The following CHPT1 variants were observed in gnomAD, a reference collection of about 807,000 sequenced individuals.
The protein encoded by CHPT1 is cholinephosphotransferase 1.
CHPT1 carries 36 observed loss-of-function variants against 47.6 expected under a neutral mutation model. The ratio of observed to expected loss-of-function variants is 0.76; its 90% CI spans 0.58 to 1.00. The LOEUF (loss-of-function observed/expected upper bound fraction) is 1.00, where lower values mean the gene tolerates loss of function less well. CHPT1 is among the 50% of genes least tolerant of loss of function. The probability of loss-of-function intolerance (pLI) is 0.00; values close to 1 mark genes in which losing one functional copy is unlikely to be tolerated. For missense variants in CHPT1, 458 were observed against 498.1 expected, an observed-to-expected ratio of 0.92 and a Z score of 0.77; for synonymous variants, 194 against 186.3, an observed-to-expected ratio of 1.04 and a Z score of -0.33.
Position 101,728,902 on chromosome 12 carries a change from T to G in CHPT1, c.1178T>G (p.Val393Gly). 1 of 1,613,418 alleles carries G rather than the reference T, an allele frequency of 6.2e-7. No individual in the cohort carries two copies. The highest frequency in any genetic ancestry group is 8.5e-7 in the Non-Finnish European group (1 of 1,179,646). The change falls in exon 9 of 9, where the codon GTT (valine) becomes GGT (glycine). Residue 393 changes from valine to glycine, a missense_variant and splice_region_variant. Val to Gly is a moderately radical substitution (Grantham distance 109). Transcript: ENST00000229266. ...TTATAATTGTATCATATTACTTAGG[T>G]TCAAGTTCTTTCTTCAAAGAGTCAT... ...KTACHQAPEQVQVLSSKSHQN... is the reference protein window; with the variant it reads ...KTACHQAPEQGQVLSSKSHQN...
Position 101,701,025 on chromosome 12 carries a change from A to G in CHPT1, c.273+2891A>G, listed in dbSNP as rs545335416. Among the ~76,000 whole-genome samples, 15 of 152,350 alleles carry G rather than the reference A, an allele frequency of 9.8e-5. 1 individual carries two copies. In the Middle Eastern group the frequency reaches 0.01, roughly 104 times the overall value. Reference sequence around the variant, plus strand: ...TCATATAGGCTTTAATACTGAGTGCATGAATAATAACATTTGATACGTTTT... The same window carrying G: ...TCATATAGGCTTTAATACTGAGTGCGTGAATAATAACATTTGATACGTTTT... On this transcript the variant is annotated intron_variant, in intron 1 of 8. Coordinates refer to ENST00000229266, the MANE Select transcript of CHPT1 (RefSeq NM_020244.3).
intron 4 of CHPT1, chr12:101,719,563 T>A: frequency 8.0e-7 from 1 of 1,253,438 alleles, no homozygotes; most frequent in Non-Finnish European, 1.0e-6. Flanking sequence ...ACTACACAGA[T>A]GTTTTGCTTG....
chr12:101,699,645 C>T (rs1389020748), intron 1 of CHPT1, among the ~76,000 whole-genome samples: 1 of 152,172 alleles, frequency 6.6e-6, no homozygotes, highest in East Asian at 1.9e-4. Flanking sequence ...GCCTCGGCCT[C>T]CCAAAGTGCT....
Position 101,714,175 on chromosome 12 carries a change from G to A in CHPT1, c.359G>A (p.Arg120Lys), listed in dbSNP as rs762860722. Reference sequence around the variant, plus strand: ...GCTATTGATGGGAAACAAGCCAGAAGAACAAACTCTTGTTCCCCTTTAGGG... The same window carrying A: ...GCTATTGATGGGAAACAAGCCAGAAAAACAAACTCTTGTTCCCCTTTAGGG... ...LDAIDGKQAR[R>K]TNSCSPLGEL... Residue 120 changes from arginine (R) to lysine (K), a missense_variant, in exon 2 of 9, where the codon AGA becomes AAA. Transcript: ENST00000229266. 2 of 1,613,200 alleles carry A rather than the reference G, an allele frequency of 1.2e-6. No individual in the cohort carries two copies. Among genetic ancestry groups the A allele is most frequent in the East Asian group, 4.5e-5 (2 of 44,826 alleles).
At position 101,723,825 on chromosome 12, in the gene CHPT1, A is replaced by T. The variant is rs761717958; in HGVS notation, c.1043A>T (p.Tyr348Phe). ...TACTTTAATAACTTTATAGACGAAT[A>T]TGTTGTTCTATGGATGGCAATGGTA... ...DQYFNNFIDE[Y>F]VVLWMAMVIS... The change falls in exon 7 of 9, where the codon TAT becomes TTT. Residue 348 changes from tyrosine (Y) to phenylalanine (F), a missense_variant. Transcript: ENST00000229266. 6 of 1,517,702 alleles carry T rather than the reference A, an allele frequency of 4.0e-6. No homozygotes were observed. Among genetic ancestry groups the T allele is most frequent in the Non-Finnish European group, 5.4e-6 (6 of 1,102,592 alleles). The allele number at this position is 1,517,702 out of a possible 1,614,324, so 94.0% of individuals were successfully genotyped here.
chr12:101,707,255 C>T (rs1951646763), intron 1 of CHPT1, among the ~76,000 whole-genome samples: 1 of 152,066 alleles, frequency 6.6e-6, no homozygotes, highest in African/African-American at 2.4e-5. Context: ...AGCCATGAGA[C>T]AGTATTAAGT....
In CHPT1 at chr12:101,714,062, A is replaced by G. The variant is rs375376525; in HGVS notation, c.274-28A>G. On this transcript the variant is annotated intron_variant, in intron 1 of 8. Coordinates refer to ENST00000229266, the MANE Select transcript of CHPT1 (RefSeq NM_020244.3). ...TCAGAAAGCTTATTATCACTTAACA[A>G]TCTTTATTTTATTTACATTTTTTAT... 13 of 1,521,752 alleles carry G rather than the reference A, an allele frequency of 8.5e-6. No homozygotes were observed. The African/African-American group carries it at 1.5e-4, about 18-fold the overall frequency. The allele number at this position is 1,521,752 out of a possible 1,614,324, so 94.3% of individuals were successfully genotyped here. A position where few individuals can be genotyped will look rare whatever the true frequency, so the allele number is the denominator to read the frequency against.
intron 8 of CHPT1, chr12:101,727,612 G>GAATT (rs1194393537): frequency 2.6e-5 from 4 of 152,056 alleles, no homozygotes; most frequent in African/African-American, 9.7e-5. Context: ...ATACTTATGG[G>GAATT]AATTAAGTAC....
intron 4 of CHPT1, chr12:101,719,637 G>A: frequency 1.9e-6 from 1 of 536,710 alleles, no homozygotes; most frequent in South Asian, 2.0e-5. Flanking sequence ...TTCCTGTGAT[G>A]CTACTTTTTA....
chr12:101,721,144 C>T (rs1277777379), intron 5 of CHPT1, among the ~76,000 whole-genome samples: 2 of 152,088 alleles, frequency 1.3e-5, no homozygotes, highest in Non-Finnish European at 2.9e-5. Flanking sequence ...ATTAGCTGGG[C>T]ATGGTGGCCA....
At chr12:101,725,573 TA>T (rs1951929628) in intron 7 of CHPT1, among the ~76,000 whole-genome samples, 1 of 149,948 alleles carries the variant, frequency 6.7e-6, no homozygotes, top group East Asian at 1.9e-4. Context: ...TGGAGACTGG[TA>T]AACTGAGGAA....
chr12:101,726,307 T>G lies in CHPT1; in HGVS notation c.1079T>G (p.Phe360Cys), dbSNP rs1318630666. The G allele has an allele frequency of 6.2e-7, 1 of 1,607,244 alleles. No individual in the cohort carries two copies. The highest frequency in any genetic ancestry group is 1.3e-5 in the African/African-American group (1 of 74,714). The change falls in exon 8 of 9, where the codon TTT becomes TGT. Residue 360 changes from phenylalanine (F) to cysteine (C), a missense_variant. By Grantham distance (205) the Phe-to-Cys change is radical. Transcript: ENST00000229266. The part of the protein sequence containing the change: ...VLWMAMVISS[F>C]DMVIYFSALC... ...TTGCTTCTAAAGGTGATTTCTTCATTTGATATGGTGATATACTTTAGTGCT... is the reference window on the plus strand; with the variant it reads ...TTGCTTCTAAAGGTGATTTCTTCATGTGATATGGTGATATACTTTAGTGCT...
At chr12:101,703,180 G>A (rs1056470489) in intron 1 of CHPT1, among the ~76,000 whole-genome samples, 5 of 152,182 alleles carry the variant, frequency 3.3e-5, no homozygotes, top group African/African-American at 9.7e-5. Flanking sequence ...TGGGTTTTGC[G>A]AAGTTGAAGA....
At chr12:101,707,901 A>G (rs1437087409) in intron 1 of CHPT1, among the ~76,000 whole-genome samples, 1 of 152,138 alleles carries the variant, frequency 6.6e-6, no homozygotes, top group Non-Finnish European at 1.5e-5. Context: ...TGGAAACGTT[A>G]AGATTCTTAT....
At chr12:101,713,481 C>G (rs1951722386) in intron 1 of CHPT1, among the ~76,000 whole-genome samples, 1 of 152,144 alleles carries the variant, frequency 6.6e-6, no homozygotes, top group Non-Finnish European at 1.5e-5. Context: ...TTGCTGGACT[C>G]TGTTCTGGTC....
rs568683152 is a variant in CHPT1 at position 101,702,125 on chromosome 12, T to G, written c.273+3991T>G. Among the ~76,000 whole-genome samples the G allele has an allele frequency of 2.0e-5, 3 of 152,302 alleles. No individual in the cohort carries two copies. The East Asian group carries it at 5.8e-4, about 29-fold the overall frequency. On this transcript the variant is annotated intron_variant, in intron 1 of 8. Transcript: ENST00000229266. Reference sequence around the variant, plus strand: ...GACCTTAGAGATTATTTAATGTAACTCCTACATTTATATATGTGATAACCC... The same window carrying G: ...GACCTTAGAGATTATTTAATGTAACGCCTACATTTATATATGTGATAACCC...
At chr12:101,728,734 T>G in intron 8 of CHPT1, 167 bp from the exon 9 acceptor site, 2 of 703,972 alleles carry the variant, frequency 2.8e-6, no homozygotes. Context: ...TAATACATAT[T>G]CTTTAGGAAT....
rs748570657 is a variant in CHPT1, at chr12:101,723,172, C to T, written c.785C>T (p.Thr262Ile). ...VGKNGSTIAG[T>I]SVLSPGLHIG... ...ATTTTCTGCTTTATCCCTTAGGGCA[C>T]CAGTGTCTTGTCACCTGGACTCCAC... Residue 262 changes from threonine to isoleucine, a missense_variant, in exon 6 of 9, where the codon ACC (threonine) becomes ATC (isoleucine). Transcript: ENST00000229266. 10 of 1,611,546 alleles carry T rather than the reference C, an allele frequency of 6.2e-6. No individual in the cohort carries two copies. The highest frequency in any genetic ancestry group is 8.5e-6 in the Non-Finnish European group (10 of 1,178,444).
Position 101,729,065 on chromosome 12 carries a change from C to T in CHPT1, c.*120C>T. On this transcript the variant is annotated 3_prime_UTR_variant, in exon 9 of 9. Transcript: ENST00000229266. Reference sequence around the variant, plus strand: ...TTTCAGCAAATAAAATATTTCATTGCTTATATTAATCCTTATTTTTTCAAT... The same window carrying T: ...TTTCAGCAAATAAAATATTTCATTGTTTATATTAATCCTTATTTTTTCAAT... 6.2e-7 allele frequency: 1 copy of T among 1,607,080 alleles called. No homozygotes were observed.
Sources: allele counts gnomAD v4.1 joint callset (sites outside exome capture counted in the v4.1 genomes callset), GRCh38; gene constraint gnomAD v4.1.1; transcripts MANE v1.5; gene names NCBI Gene and HGNC (gene_info 2026-07-23, HGNC 2026-07-21).